Variants in SPATC1 observed in about 807,000 individuals in gnomAD.
SPATC1 encodes the protein speriolin.
Under a neutral mutation model 36.5 loss-of-function variants are expected in SPATC1, and 35 were observed. That is an observed-to-expected ratio of 0.96 (90% confidence interval 0.73 to 1.27). The LOEUF (loss-of-function observed/expected upper bound fraction) is 1.27. Among genes scored for constraint, SPATC1 ranks in the 50% most tolerant of loss-of-function variants. The probability of loss-of-function intolerance (pLI) is 0.00; values close to 1 mark genes in which losing one functional copy is unlikely to be tolerated. For missense variants in SPATC1, 779 were observed against 796.0 expected, an observed-to-expected ratio of 0.98 and a Z score of 0.26; for synonymous variants, 361 against 353.6, an observed-to-expected ratio of 1.02 and a Z score of -0.24.
chr8:144,026,746 T>C lies in SPATC1; in HGVS notation c.212-13163T>C, dbSNP rs1834685257. Among the ~76,000 whole-genome samples, 6 of 152,168 alleles carry C rather than the reference T, an allele frequency of 3.9e-5. No individual in the cohort carries two copies. In the South Asian group the frequency reaches 1.2e-3, roughly 31 times the overall value. ...GGTGTGCTTATTGGCCATTTGTATA[T>C]CTTTTGAGAAATATCTATTTAGATC... is the stretch of plus-strand genomic sequence containing the variant. On this transcript the variant is annotated intron_variant, in intron 1 of 4. Coordinates refer to ENST00000377470, the MANE Select transcript of SPATC1 (RefSeq NM_198572.3).
chr8:144,014,699 G>A (rs1306361364), intron 1 of SPATC1, among the ~76,000 whole-genome samples: 1 of 152,172 alleles, frequency 6.6e-6, no homozygotes, highest in Non-Finnish European at 1.5e-5. Context: ...GTTGTGAAGG[G>A]GAAAGGAGCG....
chr8:144,023,574 A>C, intron 1 of SPATC1, among the ~76,000 whole-genome samples: 1 of 102,190 alleles, frequency 9.8e-6, no homozygotes. Flanking sequence ...TCCCCTCACG[A>C]CCTTTCCTAT....
chr8:144,028,028 C>T (rs1236077874), intron 1 of SPATC1, among the ~76,000 whole-genome samples: 1 of 151,854 alleles, frequency 6.6e-6, no homozygotes, highest in Non-Finnish European at 1.5e-5. Flanking sequence ...GAAACTCGAC[C>T]CCTTAAACCT....
At position 144,040,183 on chromosome 8, in the gene SPATC1, T is replaced by A; in HGVS notation, c.486T>A (p.Thr162=). Residue 162 remains threonine, a synonymous_variant, in exon 2 of 5, where the codon ACT becomes ACA. Coordinates refer to ENST00000377470, the MANE Select transcript of SPATC1 (RefSeq NM_198572.3). ...CCAGTTCCCTGGGCCTGCCCTCCACTGGCACCCTGACTCCCAGCAGCCTCG... is the reference window on the plus strand; with the variant it reads ...CCAGTTCCCTGGGCCTGCCCTCCACAGGCACCCTGACTCCCAGCAGCCTCG... ...TLASSLGLPS[T]GTLTPSSLVA... 6.2e-7 allele frequency: 1 copy of A among 1,611,654 alleles called. No individual in the cohort carries two copies. The highest frequency in any genetic ancestry group is 1.1e-5 in the South Asian group (1 of 90,858).
At chr8:144,026,586 A>G (rs997702266) in intron 1 of SPATC1, among the ~76,000 whole-genome samples, 53 of 152,234 alleles carry the variant, frequency 3.5e-4, no homozygotes, top group Admixed American at 2.4e-3. Context: ...GAGGGTTCCA[A>G]TTTCTCCAAA....
chr8:144,043,901 C>A (rs997973348), intron 4 of SPATC1, among the ~76,000 whole-genome samples: 1 of 152,158 alleles, frequency 6.6e-6, no homozygotes, highest in Admixed American at 6.5e-5. Flanking sequence ...CACGGGCACA[C>A]GCCTTGGAGG....
In SPATC1 at chr8:144,046,755, C is replaced by A; in HGVS notation, c.1575C>A (p.Thr525=). Residue 525 remains threonine, a synonymous_variant, in exon 5 of 5, where the codon ACC becomes ACA. Coordinates refer to ENST00000377470, the MANE Select transcript of SPATC1 (RefSeq NM_198572.3). This position sits in a 1 kb window ranked among gnomAD's most constrained non-coding sequence, Gnocchi z 6.6. The stretch of plus-strand genomic sequence containing the variant: ...ACGGGCGGGTGCACCCTGCGCTGAC[C>A]GAGCAGCTGGTGAACGCTTATGGCA... ...GYNGRVHPAL[T]EQLVNAYGIL... The A allele has an allele frequency of 6.2e-7, 1 of 1,611,740 alleles. No individual in the cohort carries two copies.
At chr8:144,039,797 G>C (rs749450765) in intron 1 of SPATC1, 112 bp from the exon 2 acceptor site, 1 of 1,170,056 alleles carries the variant, frequency 8.5e-7, no homozygotes, top group Middle Eastern at 2.8e-4. Context: ...AGCTCATCGG[G>C]GACAGATGGG....
chr8:144,023,139 G>C (rs1442231844), intron 1 of SPATC1, among the ~76,000 whole-genome samples: 2 of 93,112 alleles, frequency 2.1e-5, no homozygotes, highest in South Asian at 3.5e-4. Flanking sequence ...TCTCCCCCCA[G>C]GACCCTCTTC....
chr8:144,016,443 TTGTG>T lies in SPATC1; in HGVS notation c.211+3720_211+3723del, dbSNP rs1350117996. ...TGTTTGTATTTTGGCGTATGTCTGATTGTGTGAGTGTATATGGTGTGTGTGTGGT... is the reference window on the plus strand; with the variant it reads ...TGTTTGTATTTTGGCGTATGTCTGATTGAGTGTATATGGTGTGTGTGTGGT... On this transcript the variant is annotated intron_variant, in intron 1 of 4. Coordinates refer to ENST00000377470, the MANE Select transcript of SPATC1 (RefSeq NM_198572.3). The surrounding 1 kb of genome is among the most constrained non-coding windows in gnomAD (Gnocchi z 4.5). Among the ~76,000 whole-genome samples, 5 of 151,712 alleles carry T rather than the reference TTGTG, an allele frequency of 3.3e-5. No individual in the cohort carries two copies. Among genetic ancestry groups the T allele is most frequent in the African/African-American group, 1.2e-4 (5 of 41,246 alleles).
At chr8:144,043,924 C>G (rs571657218) in intron 4 of SPATC1, among the ~76,000 whole-genome samples, 1 of 152,180 alleles carries the variant, frequency 6.6e-6, no homozygotes, top group Non-Finnish European at 1.5e-5. Flanking sequence ...GGTGTGGACA[C>G]GGTCACGTGT....
chr8:144,046,682 C>A lies in SPATC1; in HGVS notation c.1502C>A (p.Thr501Lys). 1 of 1,612,342 alleles carries A rather than the reference C, an allele frequency of 6.2e-7. No homozygotes were observed. Among genetic ancestry groups the A allele is most frequent in the Middle Eastern group, 1.7e-4 (1 of 6,050 alleles). The change falls in exon 5 of 5, where the codon ACA becomes AAA. Residue 501 changes from threonine to lysine, a missense_variant. Transcript: ENST00000377470. This position sits in a 1 kb window ranked among gnomAD's most constrained non-coding sequence, Gnocchi z 6.6. ...KLDEKLCQRL[T>K]QRYVSVMNRL... ...GATGAGAAGCTGTGCCAGAGGCTCACACAGCGCTATGTGAGCGTCATGAAC... is the reference window on the plus strand; with the variant it reads ...GATGAGAAGCTGTGCCAGAGGCTCAAACAGCGCTATGTGAGCGTCATGAAC...
upstream of SPATC1, among the ~76,000 whole-genome samples, chr8:144,011,166 T>C (rs191189535): frequency 6.6e-6 from 1 of 152,210 alleles, no homozygotes; most frequent in East Asian, 1.9e-4. The surrounding 1 kb of genome is among the most constrained non-coding windows in gnomAD (Gnocchi z 4.5). Flanking sequence ...CATCACTGAC[T>C]GCATCAACCC....
At position 144,035,210 on chromosome 8, in the gene SPATC1, C is replaced by T. The variant is rs979643566; in HGVS notation, c.212-4699C>T. Among the ~76,000 whole-genome samples the T allele has an allele frequency of 4.5e-4, 69 of 152,332 alleles. No homozygotes were observed. The South Asian group carries it at 0.014, about 32-fold the overall frequency. The stretch of plus-strand genomic sequence containing the variant: ...AGGCCCGCCTGCCCTCCCCCATCAA[C>T]TCTGTCCACATGCTTCTGTCTCTGA... On this transcript the variant is annotated intron_variant, in intron 1 of 4. Coordinates refer to ENST00000377470, the MANE Select transcript of SPATC1 (RefSeq NM_198572.3).
At chr8:144,037,554 G>A (rs537781858) in intron 1 of SPATC1, among the ~76,000 whole-genome samples, 44 of 152,272 alleles carry the variant, frequency 2.9e-4, no homozygotes, top group Admixed American at 5.2e-4. Flanking sequence ...ACTCAGGGTT[G>A]AATGGATTAA....
rs782160547 is a variant in SPATC1, at chr8:144,046,154, G to A, written c.1447-473G>A. 1.4e-4 allele frequency among the ~76,000 whole-genome samples: 21 copies of A among 152,088 alleles called. No individual in the cohort carries two copies. The highest frequency in any genetic ancestry group is 3.3e-4 in the Admixed American group (5 of 15,276). On this transcript the variant is annotated intron_variant, in intron 4 of 4. Coordinates refer to ENST00000377470, the MANE Select transcript of SPATC1 (RefSeq NM_198572.3). This position sits in a 1 kb window ranked among gnomAD's most constrained non-coding sequence, Gnocchi z 6.6. The stretch of plus-strand genomic sequence containing the variant: ...AGGCTAGAGGGTGCTGAGGATGGAG[G>A]CCAGGGTAAGGAAGGGGGTGGCCTT...
intron 1 of SPATC1, among the ~76,000 whole-genome samples, chr8:144,033,257 G>A (rs1281994946): frequency 6.6e-5 from 10 of 152,104 alleles, no homozygotes; most frequent in Non-Finnish European, 1.3e-4. Context: ...AGTTAGCTGG[G>A]CATGGTGGCA....
rs1421369823 is a variant in SPATC1 at position 144,016,654 on chromosome 8, T to C, written c.211+3928T>C. On this transcript the variant is annotated intron_variant, in intron 1 of 4. Coordinates refer to ENST00000377470, the MANE Select transcript of SPATC1 (RefSeq NM_198572.3). This position sits in a 1 kb window ranked among gnomAD's most constrained non-coding sequence, Gnocchi z 4.5. ...TTGTTTGTTTGTTTTTGAGACAGAG[T>C]GTCGAAGTTTCACTCTTGTTGCCCA... Among the ~76,000 whole-genome samples, 1 of 152,048 alleles carries C rather than the reference T, an allele frequency of 6.6e-6. No individual in the cohort carries two copies. The highest frequency in any genetic ancestry group is 1.5e-5 in the Non-Finnish European group (1 of 68,022).
chr8:144,034,740 G>C (rs1180776219), intron 1 of SPATC1, among the ~76,000 whole-genome samples: 1 of 152,010 alleles, frequency 6.6e-6, no homozygotes, highest in Non-Finnish European at 1.5e-5. Context: ...TCCTGCCCCA[G>C]GTTCCCGAGT....
Sources: allele counts gnomAD v4.1 joint callset (sites outside exome capture counted in the v4.1 genomes callset), GRCh38; gene constraint gnomAD v4.1.1; non-coding constraint Gnocchi (gnomAD v3.1); transcripts MANE v1.5; gene names NCBI Gene and HGNC (gene_info 2026-07-23, HGNC 2026-07-21).